SBF2: variants seen among roughly 807,000 people sequenced by gnomAD.
The protein encoded by SBF2 is SET binding factor 2, also known as myotubularin-related protein 13.
Under a neutral mutation model 225.2 loss-of-function variants are expected in SBF2, and 112 were observed. The ratio of observed to expected loss-of-function variants is 0.50; its 90% CI spans 0.43 to 0.58. SBF2 has a LOEUF of 0.58. SBF2 is among the 20% of genes least tolerant of loss of function. The pLI, the probability that SBF2 is intolerant of heterozygous loss-of-function variation, is 0.00. For synonymous variants in SBF2, 763 were observed against 773.3 expected, an observed-to-expected ratio of 0.99 and a Z score of 0.22; for missense variants, 1,996 against 2,206.2, an observed-to-expected ratio of 0.90 and a Z score of 1.91.
At chr11:9,871,726 C>T (rs1420497236) in intron 17 of SBF2, among the ~76,000 whole-genome samples, 1 of 151,956 alleles carries the variant, frequency 6.6e-6, no homozygotes, top group Non-Finnish European at 1.5e-5. Context: ...CTCCTGACCT[C>T]GTGAACCGCC....
At chr11:10,209,322 T>C (rs1020667828) in intron 1 of SBF2, among the ~76,000 whole-genome samples, 9 of 150,908 alleles carry the variant, frequency 6.0e-5, no homozygotes, top group Middle Eastern at 3.4e-3. Context: ...TTTTTTTTTT[T>C]CCCATCTCTA....
At position 9,950,481 on chromosome 11, in the gene SBF2, A is replaced by T. The variant is rs149350019; in HGVS notation, c.1860+11476T>A. On this transcript the variant is annotated intron_variant, in intron 16 of 39. Coordinates refer to ENST00000256190, the MANE Select transcript of SBF2 (RefSeq NM_030962.4). The stretch of plus-strand genomic sequence containing the variant: ...GGACACTGATATTTCAACTCTAGGT[A>T]TATATCAAATTTACTTGTGGGACAT... Among the ~76,000 whole-genome samples the T allele has an allele frequency of 3.0e-4, 45 of 152,340 alleles. No individual in the cohort carries two copies. In the East Asian group the frequency reaches 8.7e-3, roughly 29 times the overall value.
At chr11:9,783,519 A>C (rs1852170393) in intron 38 of SBF2, among the ~76,000 whole-genome samples, 1 of 152,188 alleles carries the variant, frequency 6.6e-6, no homozygotes, top group Admixed American at 6.5e-5. Flanking sequence ...AGGTGGAGTT[A>C]AGGCCTGCAG....
chr11:10,269,155 G>A (rs1239529400), intron 1 of SBF2, among the ~76,000 whole-genome samples: 1 of 152,176 alleles, frequency 6.6e-6, no homozygotes, highest in East Asian at 1.9e-4. Context: ...AGAAACAGCT[G>A]GAACCAGAAG....
chr11:9,912,577 C>T (rs1380454383), intron 16 of SBF2, among the ~76,000 whole-genome samples: 7 of 152,160 alleles, frequency 4.6e-5, no homozygotes, highest in Admixed American at 6.5e-5. Context: ...AGCAAGACTC[C>T]GTCTCAAAAG....
At chr11:9,973,666 C>A (rs189069128) in intron 13 of SBF2, among the ~76,000 whole-genome samples, 16 of 152,068 alleles carry the variant, frequency 1.1e-4, no homozygotes, top group Non-Finnish European at 1.9e-4. Flanking sequence ...ACCCCTCCCC[C>A]CTGCAGCACG....
At chr11:9,984,313 C>T (rs929665608) in intron 13 of SBF2, among the ~76,000 whole-genome samples, 5 of 151,970 alleles carry the variant, frequency 3.3e-5, no homozygotes, top group Non-Finnish European at 7.4e-5. Context: ...TAGAACTGAA[C>T]AAGTAGAAGA....
chr11:9,805,282 C>T (rs1429939118), intron 32 of SBF2, among the ~76,000 whole-genome samples: 2 of 151,822 alleles, frequency 1.3e-5, no homozygotes, highest in Admixed American at 6.6e-5. Flanking sequence ...GAATCATACT[C>T]AGTTGGACCC....
intron 1 of SBF2, among the ~76,000 whole-genome samples, chr11:10,194,998 T>C (rs1178656236): frequency 6.6e-6 from 1 of 152,150 alleles, no homozygotes; most frequent in Non-Finnish European, 1.5e-5. Context: ...ACAAATGAAA[T>C]GGCACTGCTA....
chr11:10,228,776 A>G (rs1336567954), intron 1 of SBF2, among the ~76,000 whole-genome samples: 1 of 151,964 alleles, frequency 6.6e-6, no homozygotes, highest in East Asian at 1.9e-4. Flanking sequence ...TTGGTCTAAA[A>G]TTCTTTTTTG....
intron 6 of SBF2, among the ~76,000 whole-genome samples, chr11:10,012,674 CT>C (rs1264961678): frequency 4.3e-4 from 65 of 152,046 alleles, no homozygotes; most frequent in Non-Finnish European, 5.9e-5. Context: ...TTTTTTTCCC[CT>C]GAGTATGGGT....
rs1227423019 is a variant in SBF2 at position 10,303,100 on chromosome 11, GAGA to G, written n.386+1389_386+1391del. 1.3e-5 allele frequency: 2 copies of G among 152,396 alleles called. No individual in the cohort carries two copies. Among genetic ancestry groups the G allele is most frequent in the Non-Finnish European group, 2.9e-5 (2 of 68,158 alleles). 9.4% of individuals were successfully genotyped at this position (152,396 alleles called of 1,614,324 possible). On this transcript the variant is annotated intron_variant and non_coding_transcript_variant, in intron 1 of 5. Transcript: ENST00000685217. This position sits in a 1 kb window ranked among gnomAD's most constrained non-coding sequence, Gnocchi z 5.2. The stretch of plus-strand genomic sequence containing the variant: ...AAGGAAAAGGAAATGGGAGACAAGG[GAGA>G]AGAACAATAGTTAGGCTGGGGAGGC...
chr11:10,061,592 C>T (rs1244010594), intron 2 of SBF2, among the ~76,000 whole-genome samples: 1 of 151,650 alleles, frequency 6.6e-6, no homozygotes, highest in Admixed American at 6.6e-5. Flanking sequence ...ATTCACAATT[C>T]CCACACATAA....
intron 2 of SBF2, among the ~76,000 whole-genome samples, chr11:10,083,349 G>A (rs537985187): frequency 8.6e-5 from 13 of 151,978 alleles, no homozygotes; most frequent in South Asian, 2.1e-4. Flanking sequence ...ATCCAAATAC[G>A]AACATCATTT....
Position 10,303,975 on chromosome 11 carries a change from C to A in SBF2, n.386+517G>T, listed in dbSNP as rs1964623773. On this transcript the variant is annotated intron_variant and non_coding_transcript_variant, in intron 1 of 5. Coordinates refer to the SBF2 transcript ENST00000685217. This position sits in a 1 kb window ranked among gnomAD's most constrained non-coding sequence, Gnocchi z 5.2. ...CCCCTTGAGAAGTTGGTGACCCCAG[C>A]CTAGAGGAATCCACGCCGCGCCCCA... Among the ~76,000 whole-genome samples, 3 of 152,292 alleles carry A rather than the reference C, an allele frequency of 2.0e-5. 1 individual carries two copies. The South Asian group carries it at 6.2e-4, about 32-fold the overall frequency.
chr11:10,026,126 C>T (rs1949045600), intron 6 of SBF2, among the ~76,000 whole-genome samples: 1 of 151,546 alleles, frequency 6.6e-6, no homozygotes, highest in Non-Finnish European at 1.5e-5. Flanking sequence ...GTTTAATATC[C>T]CTGGTCCTTG....
intron 16 of SBF2, among the ~76,000 whole-genome samples, chr11:9,908,613 C>T (rs1208385526): frequency 1.3e-5 from 2 of 151,976 alleles, no homozygotes; most frequent in African/African-American, 2.4e-5. Context: ...GGCGACAGAG[C>T]GAGACTCCGT....
intron 14 of SBF2, among the ~76,000 whole-genome samples, chr11:9,966,824 C>T (rs919155373): frequency 1.1e-4 from 17 of 152,098 alleles, no homozygotes; most frequent in Admixed American, 9.8e-4. Flanking sequence ...TAAAATGGCA[C>T]GACCGCTTTG....
At chr11:10,145,891 T>G (rs1019734085) in intron 2 of SBF2, among the ~76,000 whole-genome samples, 3 of 152,196 alleles carry the variant, frequency 2.0e-5, no homozygotes, top group Admixed American at 6.5e-5. Flanking sequence ...GGATACAATA[T>G]CAACATACAA....
Sources: gnomAD v4.1 joint callset for allele counts (sites outside exome capture counted in the v4.1 genomes callset) on GRCh38, gnomAD v4.1.1 for gene constraint, Gnocchi (gnomAD v3.1) non-coding constraint, MANE v1.5 for transcripts, NCBI Gene and HGNC (gene_info 2026-07-23, HGNC 2026-07-21) for gene names.